VPS54: variants seen among roughly 807,000 people sequenced by gnomAD.
The protein encoded by VPS54 is VPS54 subunit of GARP complex.
Under a neutral mutation model 121.5 loss-of-function variants are expected in VPS54, and 45 were observed. That is an observed-to-expected ratio of 0.37 (90% CI 0.29 to 0.47). The LOEUF (loss-of-function observed/expected upper bound fraction) is 0.47. VPS54 is among the 20% of genes least tolerant of loss of function. The probability of loss-of-function intolerance (pLI) is 0.99; values close to 1 mark genes in which losing one functional copy is unlikely to be tolerated. For synonymous variants in VPS54, 371 were observed against 385.8 expected (o/e 0.96, Z 0.45); for missense variants, 1,090 against 1,131.4 (o/e 0.96, Z 0.52).
chr2:63,913,454 T>C (rs567891229), intron 17 of VPS54, 144 bp from the exon 18 acceptor site: 41 of 476,246 alleles, frequency 8.6e-5, no homozygotes, highest in African/African-American at 7.9e-4. Flanking sequence ...TTAGTATCTA[T>C]TTATTTAATG....
At chr2:63,950,453 G>C (rs1675187409) in intron 7 of VPS54, among the ~76,000 whole-genome samples, 1 of 152,082 alleles carries the variant, frequency 6.6e-6, no homozygotes, top group South Asian at 2.1e-4. Flanking sequence ...TGGGGTTCTG[G>C]GTGGACAGGG....
At chr2:63,959,487 T>G (rs1231575328) in intron 7 of VPS54, among the ~76,000 whole-genome samples, 1 of 152,166 alleles carries the variant, frequency 6.6e-6, no homozygotes, top group African/African-American at 2.4e-5. Flanking sequence ...CAGAAATGTT[T>G]TACATGAAGA....
intron 4 of VPS54, among the ~76,000 whole-genome samples, chr2:63,970,083 G>T (rs1676194254): frequency 6.6e-6 from 1 of 151,118 alleles, no homozygotes; most frequent in South Asian, 2.1e-4. Flanking sequence ...ATTCCCTCCT[G>T]CCTCTGCTGT....
intron 10 of VPS54, among the ~76,000 whole-genome samples, chr2:63,943,441 T>C (rs1422289919): frequency 6.6e-6 from 1 of 152,166 alleles, no homozygotes; most frequent in African/African-American, 2.4e-5. Flanking sequence ...TCTAATAGTG[T>C]CCCAATGACT....
At chr2:63,936,251 C>A (rs1171940490) in intron 11 of VPS54, among the ~76,000 whole-genome samples, 2 of 152,114 alleles carry the variant, frequency 1.3e-5, no homozygotes, top group African/African-American at 4.8e-5. Flanking sequence ...GCTGTTTTCA[C>A]CGTATCTACA....
chr2:63,917,891 T>C (rs139836829), intron 15 of VPS54, among the ~76,000 whole-genome samples: 247 of 152,110 alleles, frequency 1.6e-3, no homozygotes, highest in African/African-American at 5.7e-3. Flanking sequence ...GTTTCTAAAT[T>C]TGTAAAATAG....
intron 1 of VPS54, among the ~76,000 whole-genome samples, chr2:64,015,673 G>C (rs1576028879): frequency 6.6e-6 from 1 of 152,252 alleles, no homozygotes; most frequent in East Asian, 1.9e-4. Context: ...TCCTCGCAGA[G>C]CCATTGTTTT....
At chr2:64,006,555 T>C (rs1232001955) in intron 1 of VPS54, among the ~76,000 whole-genome samples, 1 of 152,190 alleles carries the variant, frequency 6.6e-6, no homozygotes, top group Non-Finnish European at 1.5e-5. Context: ...TGAAATAACT[T>C]ATGTGAGTTC....
At chr2:63,975,048 T>G in intron 3 of VPS54, 1 of 1,546,520 alleles carries the variant, frequency 6.5e-7, no homozygotes, top group South Asian at 1.2e-5. Context: ...TTTTGTAGAT[T>G]TTTTTTTTCT....
intron 6 of VPS54, among the ~76,000 whole-genome samples, chr2:63,964,117 C>T (rs558384147): frequency 5.9e-5 from 9 of 152,070 alleles, no homozygotes; most frequent in Non-Finnish European, 1.2e-4. Context: ...CATGATAAAC[C>T]AGCTGTTGTC....
chr2:63,924,583 T>C (rs890975969), intron 12 of VPS54, among the ~76,000 whole-genome samples: 1 of 151,888 alleles, frequency 6.6e-6, no homozygotes, highest in Non-Finnish European at 1.5e-5. Flanking sequence ...CTCTGGGAGG[T>C]TGAGACAGGA....
chr2:63,929,699 A>G, intron 12 of VPS54, among the ~76,000 whole-genome samples: 1 of 141,812 alleles, frequency 7.1e-6, no homozygotes, highest in South Asian at 2.2e-4. Flanking sequence ...GACATAAAAA[A>G]CCCTTCAAAA....
intron 1 of VPS54, among the ~76,000 whole-genome samples, chr2:64,014,693 C>G (rs1365882852): frequency 6.6e-6 from 1 of 152,194 alleles, no homozygotes; most frequent in Non-Finnish European, 1.5e-5. Flanking sequence ...AAGCGAATAA[C>G]TCTTCTACAG....
intron 12 of VPS54, among the ~76,000 whole-genome samples, chr2:63,924,860 T>C (rs1011217143): frequency 6.6e-6 from 1 of 152,126 alleles, no homozygotes; most frequent in African/African-American, 2.4e-5. Flanking sequence ...GTCAAAAACA[T>C]ATCCATATGG....
intron 7 of VPS54, among the ~76,000 whole-genome samples, chr2:63,951,471 C>G (rs1675240373): frequency 6.6e-6 from 1 of 152,036 alleles, no homozygotes. Flanking sequence ...GAGAGAGGAA[C>G]TGCTCAAACA....
chr2:63,916,887 A>C lies in VPS54; in HGVS notation c.2228+13T>G, dbSNP rs183006584. 0.021 allele frequency: 33,851 copies of C among 1,612,604 alleles called. 433 individuals carry two copies. The highest frequency in any genetic ancestry group is 0.022 in the Non-Finnish European group (26,380 of 1,178,844). ...TAGTTGACTCAACTACTAAAGAAAAATGTGTCACTCACCCAACAACTGCAT... is the reference window on the plus strand; with the variant it reads ...TAGTTGACTCAACTACTAAAGAAAACTGTGTCACTCACCCAACAACTGCAT... On this transcript the variant is annotated intron_variant, in intron 16 of 22. Coordinates refer to ENST00000272322, the MANE Select transcript of VPS54 (RefSeq NM_016516.3).
intron 7 of VPS54, among the ~76,000 whole-genome samples, chr2:63,954,022 T>G (rs1675380171): frequency 6.6e-6 from 1 of 152,148 alleles, no homozygotes; most frequent in Non-Finnish European, 1.5e-5. Context: ...AAAAAGAAAA[T>G]TATTTCCCAG....
intron 11 of VPS54, 60 bp downstream of exon 11, chr2:63,942,405 G>T (rs922522096): frequency 8.7e-7 from 1 of 1,151,142 alleles, no homozygotes; most frequent in Non-Finnish European, 1.2e-6. Flanking sequence ...TACATATTAT[G>T]TATCTAGAAA....
intron 15 of VPS54, among the ~76,000 whole-genome samples, chr2:63,918,402 G>A (rs1467996447): frequency 6.6e-6 from 1 of 151,924 alleles, no homozygotes; most frequent in Non-Finnish European, 1.5e-5. Context: ...ACCTCACATA[G>A]AGGGAAGTCA....
Sources: allele counts gnomAD v4.1 joint callset (sites outside exome capture counted in the v4.1 genomes callset), GRCh38; gene constraint gnomAD v4.1.1; transcripts MANE v1.5; gene names NCBI Gene and HGNC (gene_info 2026-07-23, HGNC 2026-07-21).